Variants in TBC1D14 observed in about 807,000 individuals in gnomAD.
The protein encoded by TBC1D14 is TBC1 domain family, member 14.
In TBC1D14, 26 loss-of-function variants were observed where a neutral mutation model predicts 79.0. That is an observed-to-expected ratio of 0.33 (90% CI 0.24 to 0.46). The LOEUF is 0.46. Ranked by LOEUF, TBC1D14 falls within the 20% of genes least tolerant of loss-of-function variation. The pLI is 1.00. For missense variants in TBC1D14, 769 were observed against 887.6 expected (o/e 0.87, Z 1.70); for synonymous variants, 394 against 349.9 (o/e 1.13, Z -1.40).
At chr4:6,986,538 G>C (rs1258241331) in intron 3 of TBC1D14, among the ~76,000 whole-genome samples, 1 of 152,166 alleles carries the variant, frequency 6.6e-6, no homozygotes, top group African/African-American at 2.4e-5. Context: ...TGGTAGTTCT[G>C]AATCCCAGGA....
chr4:6,974,945 T>A (rs1488490328), intron 3 of TBC1D14, among the ~76,000 whole-genome samples: 2 of 150,356 alleles, frequency 1.3e-5, no homozygotes, highest in African/African-American at 2.4e-5. Context: ...GGAGTCTTGC[T>A]CTGTTGCCCA....
intron 12 of TBC1D14, among the ~76,000 whole-genome samples, chr4:7,018,144 A>C (rs1362216431): frequency 6.6e-6 from 1 of 152,014 alleles, no homozygotes; most frequent in Non-Finnish European, 1.5e-5. Context: ...ACATCAGACC[A>C]CCTTTCCCAG....
intron 2 of TBC1D14, among the ~76,000 whole-genome samples, chr4:6,961,800 C>T (rs756586773): frequency 4.6e-5 from 7 of 152,006 alleles, no homozygotes; most frequent in Admixed American, 2.0e-4. Flanking sequence ...ACCTGGGGCG[C>T]GACTGGCATC....
intron 1 of TBC1D14, chr4:6,910,167 C>T (rs1483451556): frequency 2.0e-5 from 3 of 151,402 alleles, no homozygotes; most frequent in Non-Finnish European, 4.4e-5. Flanking sequence ...GTTACGGGGC[C>T]TCCGGGGCGG....
At chr4:6,975,473 A>T (rs1421776285) in intron 3 of TBC1D14, among the ~76,000 whole-genome samples, 3 of 152,108 alleles carry the variant, frequency 2.0e-5, no homozygotes, top group Admixed American at 2.0e-4. Flanking sequence ...GCCTCCCCAA[A>T]GTGCTGGGAT....
intron 2 of TBC1D14, among the ~76,000 whole-genome samples, chr4:6,928,834 G>C (rs971717463): frequency 3.9e-5 from 6 of 152,168 alleles, no homozygotes; most frequent in African/African-American, 1.4e-4. Context: ...TGCTTCTGAG[G>C]GTTGTTGGGA....
chr4:6,941,401 G>C (rs1236030056), intron 2 of TBC1D14, among the ~76,000 whole-genome samples: 1 of 152,126 alleles, frequency 6.6e-6, no homozygotes, highest in African/African-American at 2.4e-5. Context: ...AGCCAGGCTG[G>C]TCTCAAACTC....
intron 8 of TBC1D14, 78 bp from the exon 9 acceptor site, chr4:7,006,554 T>G: frequency 7.3e-7 from 1 of 1,368,558 alleles, no homozygotes; most frequent in Non-Finnish European, 1.0e-6. Context: ...GTTTTGTTCT[T>G]GTAAAACTTC....
chr4:6,996,551 ATGCATGCGG>A, intron 5 of TBC1D14, 144 bp downstream of exon 5: 2 of 627,998 alleles, frequency 3.2e-6, no homozygotes, highest in Non-Finnish European at 5.4e-6. Context: ...AAAAAAAAAG[ATGCATGCGG>A]AAAGCCCCCA....
intron 2 of TBC1D14, among the ~76,000 whole-genome samples, chr4:6,925,614 C>T (rs879082949): frequency 2.0e-5 from 3 of 152,186 alleles, no homozygotes; most frequent in African/African-American, 7.2e-5. Flanking sequence ...ACTTTCTTCT[C>T]GAATGTGCTG....
At position 6,966,371 on chromosome 4, in the gene TBC1D14, T is replaced by C. The variant is rs192076572; in HGVS notation, c.723-933T>C. ...TGTGTTAATACTACTAGTTGGGATT[T>C]ATTTGTGTTATTTGGAACTTTTGTT... On this transcript the variant is annotated intron_variant, in intron 2 of 13. Coordinates refer to ENST00000409757, the MANE Select transcript of TBC1D14 (RefSeq NM_020773.3). 1.9e-3 allele frequency among the ~76,000 whole-genome samples: 282 copies of C among 152,338 alleles called. 1 individual carries two copies. Among genetic ancestry groups the C allele is most frequent in the Non-Finnish European group, 2.5e-3 (170 of 68,030 alleles).
chr4:7,002,878 C>T (rs1208309890), intron 7 of TBC1D14, among the ~76,000 whole-genome samples: 1 of 152,110 alleles, frequency 6.6e-6, no homozygotes, highest in Non-Finnish European at 1.5e-5. Flanking sequence ...ATTGACAGTG[C>T]GACCTTGACC....
At chr4:6,987,205 T>TGCCGCCCCGC (rs1717933648) in intron 3 of TBC1D14, 2 of 1,230,778 alleles carry the variant, frequency 1.6e-6, no homozygotes, top group Non-Finnish European at 2.0e-6. Context: ...TTGAGCGGCC[T>TGCCGCCCCGC]GCCGCCCCGC....
chr4:6,928,648 C>T (rs1198091562), intron 2 of TBC1D14, among the ~76,000 whole-genome samples: 2 of 152,174 alleles, frequency 1.3e-5, no homozygotes, highest in Non-Finnish European at 2.9e-5. Context: ...ACCTGGCCAA[C>T]ATGGTGAAAC....
In TBC1D14 at chr4:7,000,999, G is replaced by A. The variant is rs534936765; in HGVS notation, c.1164-146G>A. On this transcript the variant is annotated intron_variant, in intron 6 of 13. Coordinates refer to ENST00000409757, the MANE Select transcript of TBC1D14 (RefSeq NM_020773.3). ...GGATTGTTGATTTGATCTTTACAGAGCCCTGGACTCTAAGCTTCCTGAGGG... is the reference window on the plus strand; with the variant it reads ...GGATTGTTGATTTGATCTTTACAGAACCCTGGACTCTAAGCTTCCTGAGGG... 4.6e-5 allele frequency: 30 copies of A among 656,260 alleles called. No individual in the cohort carries two copies. In the African/African-American group the frequency reaches 4.7e-4, roughly 10 times the overall value. The allele number at this position is 656,260 out of a possible 1,614,324, so 40.7% of individuals were successfully genotyped here.
intron 2 of TBC1D14, among the ~76,000 whole-genome samples, chr4:6,944,174 C>CT (rs1300611368): frequency 6.6e-6 from 1 of 152,114 alleles, no homozygotes; most frequent in Non-Finnish European, 1.5e-5. Flanking sequence ...ATTTTTCCTT[C>CT]TTTTTTTATT....
chr4:7,026,292 C>G (rs1213287988), intron 13 of TBC1D14, among the ~76,000 whole-genome samples: 1 of 152,184 alleles, frequency 6.6e-6, no homozygotes, highest in Non-Finnish European at 1.5e-5. Context: ...CCACCTCTCC[C>G]CTTCCCACCA....
chr4:6,933,104 G>GC (rs1486195625), intron 2 of TBC1D14, among the ~76,000 whole-genome samples: 1 of 151,872 alleles, frequency 6.6e-6, no homozygotes, highest in Non-Finnish European at 1.5e-5. Context: ...TTGCTGTGTG[G>GC]CCCCTCCATA....
At chr4:6,978,752 A>AG (rs1553863972) in intron 3 of TBC1D14, among the ~76,000 whole-genome samples, 3 of 151,604 alleles carry the variant, frequency 2.0e-5, no homozygotes, top group Admixed American at 6.6e-5. Context: ...AAAAAAAAAA[A>AG]AAAAGAAAAG....
Sources: gnomAD v4.1 joint callset for allele counts (sites outside exome capture counted in the v4.1 genomes callset) on GRCh38, gnomAD v4.1.1 for gene constraint, MANE v1.5 for transcripts, NCBI Gene and HGNC (gene_info 2026-07-23, HGNC 2026-07-21) for gene names.